GREB1L: variants seen among roughly 807,000 people sequenced by gnomAD.
The protein encoded by GREB1L is GREB1-like protein.
Under a neutral mutation model 200.8 loss-of-function variants are expected in GREB1L, and 17 were observed. The observed-to-expected ratio is 0.08, with a 90% CI of 0.06 to 0.13. GREB1L has a LOEUF of 0.13. Among genes scored for constraint, GREB1L ranks in the 10% least tolerant of loss-of-function variants. The pLI, the probability that GREB1L is intolerant of heterozygous loss-of-function variation, is 1.00. For synonymous variants in GREB1L, 789 were observed against 893.0 expected, an observed-to-expected ratio of 0.88 and a Z score of 2.08; for missense variants, 1,657 against 2,367.7, an observed-to-expected ratio of 0.70 and a Z score of 6.23.
At chr18:21,448,171 AAAG>A (rs1568019570) in intron 11 of GREB1L, among the ~76,000 whole-genome samples, 2 of 151,250 alleles carry the variant, frequency 1.3e-5, no homozygotes, top group Non-Finnish European at 3.0e-5. Context: ...AAAAAAAAAA[AAAG>A]CAGCAGCAGC....
At chr18:21,348,686 A>G (rs1463427095) in intron 1 of GREB1L, among the ~76,000 whole-genome samples, 1 of 152,084 alleles carries the variant, frequency 6.6e-6, no homozygotes, top group Non-Finnish European at 1.5e-5. Context: ...GAGGCAGGAG[A>G]ATCGCTTGAA....
Position 21,500,267 on chromosome 18 carries a change from C to T in GREB1L, c.3930C>T (p.Asn1310=), listed in dbSNP as rs1170054960. 6.9e-7 allele frequency: 1 copy of T among 1,451,246 alleles called. No homozygotes were observed. Among genetic ancestry groups the T allele is most frequent in the South Asian group, 1.2e-5 (1 of 82,322 alleles). 89.9% of individuals were successfully genotyped at this position (1,451,246 alleles called of 1,614,324 possible). The change falls in exon 22 of 33, where the codon AAC becomes AAT. Residue 1310 remains asparagine, a synonymous_variant. Coordinates refer to ENST00000424526, the MANE Select transcript of GREB1L (RefSeq NM_001142966.3). ...NQLDPASGTR[N]FHPRRLLLTG... is the part of the protein sequence containing the mutation. ...TGGACCCGGCCTCTGGCACCCGAAA[C>T]TTCCACCCCCGACGGCTCCTGCTGA...
At chr18:21,406,013 T>C (rs2030172361) in intron 7 of GREB1L, among the ~76,000 whole-genome samples, 1 of 134,876 alleles carries the variant, frequency 7.4e-6, no homozygotes, top group Non-Finnish European at 1.5e-5. Flanking sequence ...TGAGCTGAGA[T>C]ACCACCACAG....
chr18:21,522,948 C>G lies in GREB1L; in HGVS notation c.*127C>G. On this transcript the variant is annotated 3_prime_UTR_variant, in exon 33 of 33. Coordinates refer to ENST00000424526, the MANE Select transcript of GREB1L (RefSeq NM_001142966.3). ...AAAGTGCAACATATTTGTCTAAATT[C>G]TCCAAAGAACTCCCCAAATCTGATC... The G allele has an allele frequency of 1.2e-6, 1 of 803,638 alleles. No individual in the cohort carries two copies. Among genetic ancestry groups the G allele is most frequent in the African/African-American group, 1.7e-5 (1 of 57,432 alleles). 49.8% of individuals were successfully genotyped at this position (803,638 alleles called of 1,614,324 possible). A position where few individuals can be genotyped will look rare whatever the true frequency, so the allele number is the denominator to read the frequency against.
intron 1 of GREB1L, among the ~76,000 whole-genome samples, chr18:21,350,071 A>G (rs934531674): frequency 1.3e-5 from 2 of 152,082 alleles, no homozygotes; most frequent in African/African-American, 4.8e-5. Flanking sequence ...CTTCTAATGA[A>G]CATTTATACA....
chr18:21,321,589 A>G (rs2038952334), intron 1 of GREB1L, among the ~76,000 whole-genome samples: 1 of 152,062 alleles, frequency 6.6e-6, no homozygotes, highest in African/African-American at 2.4e-5. Flanking sequence ...TGGGAAGCTG[A>G]GGCAGGAGAA....
rs757087834 is a variant in GREB1L, at chr18:21,451,113, T to C, written c.1811T>C (p.Val604Ala). The C allele has an allele frequency of 2.2e-5, 34 of 1,551,450 alleles. No homozygotes were observed. Among genetic ancestry groups the C allele is most frequent in the Non-Finnish European group, 2.8e-5 (32 of 1,146,740 alleles). The change falls in exon 13 of 33, where the codon GTC (valine) becomes GCC (alanine). Residue 604 changes from valine (V) to alanine (A), a missense_variant. Coordinates refer to ENST00000424526, the MANE Select transcript of GREB1L (RefSeq NM_001142966.3). ...EISYELITGK[V>A]SFLASHFKTT... ...AGTTATGAGCTTATCACAGGAAAGG[T>C]CAGTTTCCTGGCATCACATTTCAAA...
intron 7 of GREB1L, 79 bp downstream of exon 7, chr18:21,404,073 G>A: frequency 7.9e-7 from 1 of 1,271,492 alleles, no homozygotes; most frequent in African/African-American, 1.5e-5. Flanking sequence ...ACTTACTGCT[G>A]GCTGGTTTGA....
intron 1 of GREB1L, among the ~76,000 whole-genome samples, chr18:21,318,439 C>A (rs531935047): frequency 6.6e-6 from 1 of 152,038 alleles, no homozygotes; most frequent in African/African-American, 2.4e-5. Context: ...TTTCTTAATT[C>A]TTTTCATTAT....
At position 21,525,024 on chromosome 18, in the gene GREB1L, A is replaced by ATATATATATATC. The variant is rs1300949934; in HGVS notation, c.*2206_*2207insATATATATCTAT. On this transcript the variant is annotated 3_prime_UTR_variant, in exon 33 of 33. Transcript: ENST00000424526. ...CCATGATTTGTGTGTATATATATAT[A>ATATATATATATC]TATCCTAGTGTGTTCAGCTTTAAGC... is the stretch of plus-strand genomic sequence containing the variant. 3.1e-4 allele frequency: 47 copies of ATATATATATATC among 151,058 alleles called. 1 individual carries two copies. In the East Asian group the frequency reaches 8.9e-3, roughly 29 times the overall value. The allele number at this position is 151,058 out of a possible 1,614,324, so 9.4% of individuals were successfully genotyped here.
chr18:21,437,115 G>C (rs2033598789), intron 7 of GREB1L, among the ~76,000 whole-genome samples: 2 of 152,242 alleles, frequency 1.3e-5, no homozygotes, highest in South Asian at 4.1e-4. Flanking sequence ...TAATTGTAGA[G>C]ACAGTGTTTC....
intron 20 of GREB1L, among the ~76,000 whole-genome samples, chr18:21,495,996 C>T (rs573719375): frequency 2.0e-5 from 3 of 152,146 alleles, no homozygotes; most frequent in South Asian, 4.2e-4. Flanking sequence ...TGGGAATGGG[C>T]GATAGCCACA....
chr18:21,257,802 G>T (rs1252305151), intron 1 of GREB1L, among the ~76,000 whole-genome samples: 3 of 152,154 alleles, frequency 2.0e-5, no homozygotes, highest in African/African-American at 7.2e-5. Flanking sequence ...ATTAATAGCA[G>T]AAATTAATAA....
intron 1 of GREB1L, among the ~76,000 whole-genome samples, chr18:21,351,582 A>G (rs2039433725): frequency 6.6e-6 from 1 of 152,048 alleles, no homozygotes; most frequent in Non-Finnish European, 1.5e-5. Context: ...TAAAAAAAAA[A>G]AAAAGGCACA....
At chr18:21,285,417 T>C (rs2038339501) in intron 1 of GREB1L, among the ~76,000 whole-genome samples, 1 of 152,218 alleles carries the variant, frequency 6.6e-6, no homozygotes, top group Middle Eastern at 3.2e-3. Flanking sequence ...AGTTTTATGG[T>C]ACAAACATCT....
chr18:21,355,899 T>A (rs8086047), intron 1 of GREB1L, among the ~76,000 whole-genome samples: 11,681 of 152,118 alleles, frequency 0.077, 704 homozygotes, highest in African/African-American at 0.15. Flanking sequence ...TAAAGTTCCA[T>A]GAAAATTCTA....
chr18:21,387,559 A>G (rs763545125), intron 4 of GREB1L: 3 of 152,190 alleles, frequency 2.0e-5, no homozygotes, highest in Non-Finnish European at 4.4e-5. Flanking sequence ...CTCCCTTAGG[A>G]TACTCTTAAC....
chr18:21,422,442 C>A (rs1190209539), intron 7 of GREB1L, among the ~76,000 whole-genome samples: 4 of 152,068 alleles, frequency 2.6e-5, no homozygotes, highest in Non-Finnish European at 4.4e-5. Flanking sequence ...AACAGGTAAC[C>A]ACTGTAATTA....
chr18:21,522,769 C>T lies in GREB1L; in HGVS notation c.5720C>T (p.Ala1907Val). The change falls in exon 33 of 33, where the codon GCT (alanine) becomes GTT (valine). Residue 1907 changes from alanine (A) to valine (V), a missense_variant. By Grantham distance (64) the Ala-to-Val change is moderately conservative. Around this residue, in one of 9 missense-constraint regions of GREB1L, gnomAD observed 190 missense variants for 230.2 expected, o/e 0.83. Transcript: ENST00000424526. ...CGCCTCCGGGACGAGTTTCAAACTG[C>T]TAACAGCAGTGATGACAAGCCTCTC... ...QFRLRDEFQT[A>V]NSSDDKPLYF... 1 of 1,551,680 alleles carries T rather than the reference C, an allele frequency of 6.4e-7. No individual in the cohort carries two copies. Among genetic ancestry groups the T allele is most frequent in the Non-Finnish European group, 8.7e-7 (1 of 1,146,964 alleles).
Sources: allele counts gnomAD v4.1 joint callset (sites outside exome capture counted in the v4.1 genomes callset), GRCh38; gene constraint gnomAD v4.1.1; regional missense constraint gnomAD v4.1.1; transcripts MANE v1.5; gene names NCBI Gene and HGNC (gene_info 2026-07-23, HGNC 2026-07-21).